TENM3: variants seen among roughly 807,000 people sequenced by gnomAD.
TENM3 encodes the protein teneurin-3.
In TENM3, 63 loss-of-function variants were observed where a neutral mutation model predicts 255.1. The ratio of observed to expected loss-of-function variants is 0.25; its 90% CI spans 0.20 to 0.30. The LOEUF (loss-of-function observed/expected upper bound fraction) is 0.30, where lower values mean the gene tolerates loss of function less well. Ranked by LOEUF, TENM3 falls within the 10% of genes least tolerant of loss-of-function variation. The probability of loss-of-function intolerance (pLI) is 1.00; values close to 1 mark genes in which losing one functional copy is unlikely to be tolerated. For synonymous variants in TENM3, 1,306 were observed against 1,322.3 expected (o/e 0.99, Z 0.27); for missense variants, 2,929 against 3,461.1 (o/e 0.85, Z 3.86).
chr4:182,729,934 C>T (rs1351559590), intron 14 of TENM3, among the ~76,000 whole-genome samples: 1 of 152,152 alleles, frequency 6.6e-6, no homozygotes, highest in East Asian at 1.9e-4. Flanking sequence ...AAAAATTCAT[C>T]TCTAAATTAT....
At chr4:181,795,524 T>G in the TENM3 span, among the ~76,000 whole-genome samples, 1 of 152,286 alleles carries the variant, frequency 6.6e-6, no homozygotes, top group African/African-American at 2.4e-5. Context: ...CCATAGCAAC[T>G]TTGGCCTAAA....
the TENM3 span, among the ~76,000 whole-genome samples, chr4:182,071,363 C>G: frequency 1.3e-5 from 2 of 152,062 alleles, no homozygotes; most frequent in African/African-American, 2.4e-5. Flanking sequence ...ACACATTTTT[C>G]TTGCAGATTC....
chr4:182,106,149 G>A, the TENM3 span, among the ~76,000 whole-genome samples: 1 of 152,124 alleles, frequency 6.6e-6, no homozygotes, highest in African/African-American at 2.4e-5. Flanking sequence ...GCAAAGGCCA[G>A]ACCGACCTCT....
the TENM3 span, among the ~76,000 whole-genome samples, chr4:181,710,560 G>A: frequency 3.3e-5 from 5 of 151,990 alleles, no homozygotes; most frequent in Admixed American, 1.3e-4. Flanking sequence ...TACTAAAAAC[G>A]CAAAAATTAG....
intron 3 of TENM3, among the ~76,000 whole-genome samples, chr4:182,375,250 A>G (rs1390285026): frequency 6.6e-6 from 1 of 151,890 alleles, no homozygotes; most frequent in Non-Finnish European, 1.5e-5. Context: ...CCTATACTAG[A>G]TCATAAGTAT....
rs774155309 is a variant in TENM3 at position 182,313,876 on chromosome 4, A to G, written c.-75-10070A>G. On this transcript the variant is annotated intron_variant, in intron 1 of 27. Coordinates refer to ENST00000511685, the MANE Select transcript of TENM3 (RefSeq NM_001080477.4). ...CTCTAACTATCTCTCATATCCATCCATTTTTCTAAATCTCCACTCCATCCC... is the reference window on the plus strand; with the variant it reads ...CTCTAACTATCTCTCATATCCATCCGTTTTTCTAAATCTCCACTCCATCCC... Among the ~76,000 whole-genome samples, 155 of 151,962 alleles carry G rather than the reference A, an allele frequency of 1.0e-3. 1 individual carries two copies. The highest frequency in any genetic ancestry group is 5.0e-4 in the Non-Finnish European group (34 of 67,994).
At chr4:181,689,871 A>T in the TENM3 span, among the ~76,000 whole-genome samples, 1 of 152,130 alleles carries the variant, frequency 6.6e-6, no homozygotes, top group Non-Finnish European at 1.5e-5. Context: ...CACTAAAGGA[A>T]GTTGACTGCT....
chr4:182,041,399 A>T, the TENM3 span, among the ~76,000 whole-genome samples: 3 of 152,160 alleles, frequency 2.0e-5, no homozygotes, highest in African/African-American at 7.2e-5. Context: ...ATATAAATTT[A>T]TTCATTTTAA....
At chr4:182,360,039 G>C (rs1316681425) in intron 3 of TENM3, among the ~76,000 whole-genome samples, 1 of 152,144 alleles carries the variant, frequency 6.6e-6, no homozygotes, top group African/African-American at 2.4e-5. Flanking sequence ...TTTTGAGTGA[G>C]TTTCTTAATC....
the TENM3 span, among the ~76,000 whole-genome samples, chr4:181,757,351 C>T: frequency 9.3e-4 from 142 of 152,232 alleles, no homozygotes; most frequent in African/African-American, 3.0e-3. Context: ...GACAAGGTTG[C>T]CCAGGGTCTG....
the TENM3 span, among the ~76,000 whole-genome samples, chr4:181,842,354 A>T: frequency 1.3e-5 from 2 of 152,156 alleles, no homozygotes; most frequent in African/African-American, 4.8e-5. Flanking sequence ...CTAAGCCTCT[A>T]TTCTATTTAA....
At chr4:182,102,742 A>G in the TENM3 span, among the ~76,000 whole-genome samples, 2 of 152,162 alleles carry the variant, frequency 1.3e-5, no homozygotes, top group African/African-American at 4.8e-5. Context: ...GCCTCTCAGA[A>G]TCTGACCTTG....
At chr4:182,608,597 C>T (rs1357045392) in intron 4 of TENM3, among the ~76,000 whole-genome samples, 1 of 152,180 alleles carries the variant, frequency 6.6e-6, no homozygotes, top group African/African-American at 2.4e-5. Context: ...AAAAGAGCGC[C>T]CTGCTCGTCC....
At chr4:181,849,331 T>C in the TENM3 span, among the ~76,000 whole-genome samples, 6 of 152,222 alleles carry the variant, frequency 3.9e-5, no homozygotes, top group Admixed American at 1.3e-4. Context: ...AGTTGGACTG[T>C]TAATTTCATT....
the TENM3 span, among the ~76,000 whole-genome samples, chr4:181,655,864 G>T: frequency 6.6e-6 from 1 of 152,172 alleles, no homozygotes; most frequent in Admixed American, 6.5e-5. Context: ...AACTATTAGG[G>T]ACAGATTAGT....
At chr4:181,669,288 A>G in the TENM3 span, among the ~76,000 whole-genome samples, 1 of 152,252 alleles carries the variant, frequency 6.6e-6, no homozygotes, top group East Asian at 1.9e-4. Context: ...AGATAGTATA[A>G]TTATCATCCA....
chr4:181,747,197 A>C, the TENM3 span, among the ~76,000 whole-genome samples: 2 of 152,186 alleles, frequency 1.3e-5, no homozygotes, highest in East Asian at 3.9e-4. Context: ...AGCATTTTAA[A>C]TTTTTACCAA....
chr4:182,537,125 A>G (rs1386916614), intron 3 of TENM3, among the ~76,000 whole-genome samples: 1 of 152,178 alleles, frequency 6.6e-6, no homozygotes, highest in African/African-American at 2.4e-5. Flanking sequence ...CTCTGATAAT[A>G]TCTGCCATTT....
intron 1 of TENM3, among the ~76,000 whole-genome samples, chr4:182,174,820 CCTTT>C (rs1752353404): frequency 6.6e-6 from 1 of 151,988 alleles, no homozygotes; most frequent in Admixed American, 6.6e-5. Flanking sequence ...AGTTTGGTCT[CCTTT>C]CTAATTGAAA....
Sources: allele counts gnomAD v4.1 joint callset (sites outside exome capture counted in the v4.1 genomes callset), GRCh38; gene constraint gnomAD v4.1.1; transcripts MANE v1.5; gene names NCBI Gene and HGNC (gene_info 2026-07-23, HGNC 2026-07-21).